ARSK: variants seen among roughly 807,000 people sequenced by gnomAD.
ARSK encodes the protein arylsulfatase K.
Under a neutral mutation model 53.2 loss-of-function variants are expected in ARSK, and 37 were observed. The observed-to-expected ratio is 0.70, with a 90% CI of 0.54 to 0.92. The LOEUF (loss-of-function observed/expected upper bound fraction) is 0.92, where lower values mean the gene tolerates loss of function less well. Among genes scored for constraint, ARSK ranks in the 40% least tolerant of loss-of-function variants. ARSK has a pLI of 0.00. For synonymous variants in ARSK, 208 were observed against 223.2 expected (o/e 0.93, Z 0.61); for missense variants, 613 against 643.0 (o/e 0.95, Z 0.51).
intron 3 of ARSK, among the ~76,000 whole-genome samples, chr5:95,572,151 T>C (rs1748842568): frequency 6.6e-6 from 1 of 152,194 alleles, no homozygotes; most frequent in Admixed American, 6.5e-5. Context: ...TCCCTTATTA[T>C]ATATGACACA....
At chr5:95,573,967 C>T (rs1748880010) in intron 3 of ARSK, among the ~76,000 whole-genome samples, 1 of 152,130 alleles carries the variant, frequency 6.6e-6, no homozygotes, top group African/African-American at 2.4e-5. Context: ...CTTATCCTTT[C>T]CATTTTTTTT....
Position 95,566,085 on chromosome 5 carries a change from A to T in ARSK, c.214A>T (p.Asn72Tyr), listed in dbSNP as rs147804421. 412 of 1,613,778 alleles carry T rather than the reference A, an allele frequency of 2.6e-4. 2 individuals carry two copies. The East Asian group carries it at 8.6e-3, about 34-fold the overall frequency. The change falls in exon 2 of 8, where the codon AAT becomes TAT. Residue 72 changes from asparagine (N) to tyrosine (Y), a missense_variant. Physicochemically the swap from Asn to Tyr is moderately radical, Grantham distance 143. Transcript: ENST00000380009. Reference sequence around the variant, plus strand: ...GAAGACACGTGGGACTTCCTTTCTGAATGCCTACACAAACTCTCCAATTTG... The same window carrying T: ...GAAGACACGTGGGACTTCCTTTCTGTATGCCTACACAAACTCTCCAATTTG... ...FMKTRGTSFL[N>Y]AYTNSPICCP...
chr5:95,583,816 TC>T (rs1267386625), intron 4 of ARSK, among the ~76,000 whole-genome samples: 1 of 152,206 alleles, frequency 6.6e-6, no homozygotes, highest in Non-Finnish European at 1.5e-5. Flanking sequence ...ATTATTTCTT[TC>T]TAAATTTGGA....
At chr5:95,592,953 T>G (rs1471585339) in intron 6 of ARSK, among the ~76,000 whole-genome samples, 1 of 152,192 alleles carries the variant, frequency 6.6e-6, no homozygotes, top group Non-Finnish European at 1.5e-5. Context: ...ACTTTCTCAT[T>G]CCATTAGTTT....
chr5:95,577,684 A>G (rs1375316854), intron 3 of ARSK, among the ~76,000 whole-genome samples: 1 of 152,166 alleles, frequency 6.6e-6, no homozygotes. Context: ...CAGACCAGAA[A>G]ATGGCTAGGT....
chr5:95,565,961 A>G, intron 1 of ARSK, 37 bp from the exon 2 acceptor site: 1 of 1,548,976 alleles, frequency 6.5e-7, no homozygotes, highest in Non-Finnish European at 8.7e-7. Context: ...CTTCTTTGGT[A>G]ATGTAATCAA....
chr5:95,576,355 C>T (rs1748923632), intron 3 of ARSK, among the ~76,000 whole-genome samples: 1 of 151,622 alleles, frequency 6.6e-6, no homozygotes, highest in African/African-American at 2.4e-5. Context: ...CATGCCACTA[C>T]ACCCGGCTAA....
Position 95,591,417 on chromosome 5 carries a change from C to G in ARSK, c.888C>G (p.Ala296=), listed in dbSNP as rs942851936. ...CTATTGTAGGTGAAATTATTTTGGC[C>G]CTTCATCAATTAGATCTTCTTCAGA... ...TDAMLGEIIL[A]LHQLDLLQKT... is the part of the protein sequence containing the mutation. The change falls in exon 6 of 8, where the codon GCC becomes GCG. Residue 296 remains alanine (A), a synonymous_variant. Coordinates refer to ENST00000380009, the MANE Select transcript of ARSK (RefSeq NM_198150.3). 1.8e-5 allele frequency: 29 copies of G among 1,612,504 alleles called. No individual in the cohort carries two copies. In the African/African-American group the frequency reaches 3.7e-4, roughly 21 times the overall value.
rs1363636717 is a variant in ARSK at position 95,604,247 on chromosome 5, CG to C, written c.*724del. On this transcript the variant is annotated 3_prime_UTR_variant, in exon 8 of 8. Transcript: ENST00000380009. The stretch of plus-strand genomic sequence containing the variant: ...TAATGGGAGTATTTGGAGTATTTAA[CG>C]GGATGTAAACCCTGGATGTACCTGA... 2 of 152,116 alleles carry C rather than the reference CG, an allele frequency of 1.3e-5. No individual in the cohort carries two copies. The highest frequency in any genetic ancestry group is 2.9e-5 in the Non-Finnish European group (2 of 68,020). The allele number at this position is 152,116 out of a possible 1,614,324, so 9.4% of individuals were successfully genotyped here.
chr5:95,596,917 T>A (rs1286711808), intron 6 of ARSK, among the ~76,000 whole-genome samples: 21 of 152,238 alleles, frequency 1.4e-4, no homozygotes, highest in African/African-American at 5.1e-4. Context: ...TTATTTGTGC[T>A]TTTGGATCAA....
In ARSK at chr5:95,603,426, CA is replaced by C; in HGVS notation, c.1514del (p.Asn505IlefsTer27). On this transcript the variant is annotated frameshift_variant, in exon 8 of 8. Coordinates refer to ENST00000380009, the MANE Select transcript of ARSK (RefSeq NM_198150.3). LOFTEE classifies it low-confidence loss of function (END_TRUNC). ...SIGQNYSNVI[A>X]NLRWHQDWQK... Reference sequence around the variant, plus strand: ...GGACAGAATTATTCAAACGTTATAGCAAATCTTAGGTGGCACCAAGACTGGC... The same window carrying C: ...GGACAGAATTATTCAAACGTTATAGCAATCTTAGGTGGCACCAAGACTGGC... 1 of 1,613,612 alleles carries C rather than the reference CA, an allele frequency of 6.2e-7. No homozygotes were observed. The highest frequency in any genetic ancestry group is 8.5e-7 in the Non-Finnish European group (1 of 1,179,720).
rs180739137 is a variant in ARSK, at chr5:95,575,283, C to T, written c.416+7234C>T. On this transcript the variant is annotated intron_variant, in intron 3 of 7. Transcript: ENST00000380009. Reference sequence around the variant, plus strand: ...TAATTTGAAGGCAGGTAATATGATTCCTCCAATTTTGTTCTTTTTGCTCAG... The same window carrying T: ...TAATTTGAAGGCAGGTAATATGATTTCTCCAATTTTGTTCTTTTTGCTCAG... 2.9e-3 allele frequency among the ~76,000 whole-genome samples: 438 copies of T among 152,218 alleles called. 1 individual carries two copies. The highest frequency in any genetic ancestry group is 4.9e-3 in the Non-Finnish European group (334 of 67,998).
rs964859750 is a variant in ARSK, at chr5:95,565,890, T to G, written c.127-108T>G. On this transcript the variant is annotated intron_variant, in intron 1 of 7. Coordinates refer to ENST00000380009, the MANE Select transcript of ARSK (RefSeq NM_198150.3). ...TGTTTTGTTTTTATCTTTGGAGGAT[T>G]CTTAAAATCATATTGAAGTCTTCTG... The G allele has an allele frequency of 1.1e-5, 12 of 1,057,910 alleles. No individual in the cohort carries two copies. The East Asian group carries it at 2.1e-4, about 19-fold the overall frequency. The allele number at this position is 1,057,910 out of a possible 1,614,324, so 65.5% of individuals were successfully genotyped here. A position where few individuals can be genotyped will look rare whatever the true frequency, so the allele number is the denominator to read the frequency against.
intron 3 of ARSK, among the ~76,000 whole-genome samples, chr5:95,570,343 CT>C (rs1748805063): frequency 6.6e-6 from 1 of 152,184 alleles, no homozygotes; most frequent in Admixed American, 6.5e-5. Context: ...ATTGCATGAG[CT>C]AGTTTCTCTG....
At position 95,592,504 on chromosome 5, in the gene ARSK, C is replaced by A. The variant is rs76125754; in HGVS notation, c.1096+879C>A. 1.3e-3 allele frequency among the ~76,000 whole-genome samples: 197 copies of A among 152,138 alleles called. 5 individuals carry two copies. The East Asian group carries it at 0.029, about 22-fold the overall frequency. ...CGTCCTTTCCTCTTTTATTTCATAT[C>A]CCTTCTCATATAATTACACATACTT... is the stretch of plus-strand genomic sequence containing the variant. On this transcript the variant is annotated intron_variant, in intron 6 of 7. Coordinates refer to ENST00000380009, the MANE Select transcript of ARSK (RefSeq NM_198150.3).
At chr5:95,583,324 A>T (rs1413878443) in intron 4 of ARSK, 126 bp downstream of exon 4, 1 of 796,394 alleles carries the variant, frequency 1.3e-6, no homozygotes, top group Non-Finnish European at 1.8e-6. Context: ...AAACTTGACC[A>T]ATAACTAGTA....
chr5:95,573,992 A>T (rs192923434), intron 3 of ARSK, among the ~76,000 whole-genome samples: 110 of 152,050 alleles, frequency 7.2e-4, no homozygotes, highest in Middle Eastern at 3.4e-3. Flanking sequence ...CCCATTAATC[A>T]TTCCCACTGC....
intron 5 of ARSK, among the ~76,000 whole-genome samples, chr5:95,588,511 C>T (rs927158937): frequency 6.7e-5 from 10 of 149,692 alleles, no homozygotes; most frequent in Non-Finnish European, 1.5e-4. Flanking sequence ...CATGAGCCAC[C>T]GCGACTGGCC....
rs1376694419 is a variant in ARSK at position 95,603,501 on chromosome 5, C to G, written c.1586C>G (p.Thr529Ser). Reference protein sequence around the residue: ...YENAIDQWLKTHMNPRAV With the variant: ...YENAIDQWLKSHMNPRAV ...AATGCAATTGATCAGTGGCTTAAAA[C>G]CCATATGAATCCAAGAGCAGTTTGA... The change falls in exon 8 of 8, where the codon ACC becomes AGC. Residue 529 changes from threonine (T) to serine (S), a missense_variant. Coordinates refer to ENST00000380009, the MANE Select transcript of ARSK (RefSeq NM_198150.3). 1 of 1,606,052 alleles carries G rather than the reference C, an allele frequency of 6.2e-7. No individual in the cohort carries two copies. The highest frequency in any genetic ancestry group is 1.7e-5 in the Admixed American group (1 of 58,162).
Sources: allele counts gnomAD v4.1 joint callset (sites outside exome capture counted in the v4.1 genomes callset), GRCh38; gene constraint gnomAD v4.1.1; transcripts MANE v1.5; gene names NCBI Gene and HGNC (gene_info 2026-07-23, HGNC 2026-07-21).